The following LPP variants were observed in gnomAD, a reference collection of about 807,000 sequenced individuals.
LPP encodes LIM domain containing preferred translocation partner in lipoma.
A neutral mutation model predicts 60.4 loss-of-function variants in LPP; 38 were observed. That is an observed-to-expected ratio of 0.63 (90% CI 0.49 to 0.83). The LOEUF (loss-of-function observed/expected upper bound fraction) is 0.83. Ranked by LOEUF, LPP falls within the 40% of genes least tolerant of loss-of-function variation. The probability of loss-of-function intolerance (pLI) is 0.00; values close to 1 mark genes in which losing one functional copy is unlikely to be tolerated. For synonymous variants in LPP, 328 were observed against 290.8 expected, an observed-to-expected ratio of 1.13 and a Z score of -1.30; for missense variants, 902 against 783.6, an observed-to-expected ratio of 1.15 and a Z score of -1.80.
chr3:188,731,521 G>GTTT (rs974360333), intron 8 of LPP, among the ~76,000 whole-genome samples: 7 of 151,080 alleles, frequency 4.6e-5, no homozygotes, highest in African/African-American at 1.5e-4. Flanking sequence ...TGTTTTTTTT[G>GTTT]TTTTGTTTTG....
chr3:188,633,312 T>C (rs1342294511), intron 7 of LPP, among the ~76,000 whole-genome samples: 2 of 152,190 alleles, frequency 1.3e-5, no homozygotes, highest in African/African-American at 2.4e-5. Context: ...ACAGACCATG[T>C]AAATGCTGTT....
chr3:188,334,486 C>G lies in LPP; in HGVS notation c.-66-7177C>G, dbSNP rs576406498. ...GTCACCAGGCTGGAGTGCAGTGGTG[C>G]TATCTGGCTCACTGCAAGCTCCGCC... On this transcript the variant is annotated intron_variant, in intron 2 of 11. Transcript: ENST00000617246. Among the ~76,000 whole-genome samples the G allele has an allele frequency of 4.8e-5, 6 of 125,736 alleles. No individual in the cohort carries two copies. In the East Asian group the frequency reaches 1.6e-3, roughly 33 times the overall value. 82.5% of individuals were successfully genotyped at this position (125,736 alleles called of 152,430 possible).
chr3:188,368,435 G>C (rs1176123052), intron 3 of LPP, among the ~76,000 whole-genome samples: 1 of 151,482 alleles, frequency 6.6e-6, no homozygotes, highest in Admixed American at 6.6e-5. Flanking sequence ...CGTTAAGCTG[G>C]AAGGGTCCTC....
intron 6 of LPP, among the ~76,000 whole-genome samples, chr3:188,531,356 C>T (rs1055726809): frequency 1.3e-5 from 2 of 151,574 alleles, no homozygotes; most frequent in African/African-American, 4.9e-5. Context: ...TGTTATTGAC[C>T]TTGGTTCCTG....
chr3:188,544,282 T>C (rs10937354), intron 6 of LPP, among the ~76,000 whole-genome samples: 76,506 of 151,950 alleles, frequency 0.5, 19,757 homozygotes, highest in East Asian at 0.92. Flanking sequence ...TGTTCAACTT[T>C]TGATTTGCCT....
At chr3:188,746,352 A>G in intron 8 of LPP, 5 of 427,104 alleles carry the variant, frequency 1.2e-5, no homozygotes. Context: ...AACAGGGGGC[A>G]GAAAAACACG....
At chr3:188,487,971 C>T (rs139369280) in intron 5 of LPP, among the ~76,000 whole-genome samples, 356 of 151,622 alleles carry the variant, frequency 2.3e-3, no homozygotes, top group African/African-American at 7.9e-3. Flanking sequence ...CCAACTCTGG[C>T]GCCAGGCATC....
chr3:188,425,016 T>C (rs1459208054), intron 4 of LPP, among the ~76,000 whole-genome samples: 10 of 152,194 alleles, frequency 6.6e-5, no homozygotes, highest in Admixed American at 6.5e-4. Flanking sequence ...CATCCTTGTC[T>C]TGTGCTGGTT....
chr3:188,596,900 G>T (rs975661406), intron 6 of LPP, among the ~76,000 whole-genome samples: 1 of 151,396 alleles, frequency 6.6e-6, no homozygotes, highest in Non-Finnish European at 1.5e-5. Context: ...CCGTGAATAT[G>T]TTAGAAACTC....
At chr3:188,718,010 G>A (rs1026355173) in intron 8 of LPP, among the ~76,000 whole-genome samples, 2 of 152,026 alleles carry the variant, frequency 1.3e-5, no homozygotes, top group East Asian at 1.9e-4. Flanking sequence ...TAGTAGAGAC[G>A]AGGTTTCTCC....
chr3:188,815,529 C>A (rs1254432568), intron 9 of LPP, among the ~76,000 whole-genome samples: 1 of 150,792 alleles, frequency 6.6e-6, no homozygotes, highest in Non-Finnish European at 1.5e-5. Context: ...ATTCTATCTC[C>A]CTTTAGAAAA....
At chr3:188,627,352 A>G (rs544583057) in intron 7 of LPP, among the ~76,000 whole-genome samples, 1 of 152,184 alleles carries the variant, frequency 6.6e-6, no homozygotes, top group Admixed American at 6.5e-5. Flanking sequence ...CCGAGTGTCA[A>G]ATTGGATGAA....
At chr3:188,177,207 G>A (rs1487860281) in intron 1 of LPP, among the ~76,000 whole-genome samples, 3 of 152,204 alleles carry the variant, frequency 2.0e-5, no homozygotes, top group Non-Finnish European at 4.4e-5. Flanking sequence ...CCAGCCCAGC[G>A]AGGGGATCGC....
At chr3:188,223,475 G>A (rs996946508) in intron 1 of LPP, among the ~76,000 whole-genome samples, 1 of 152,164 alleles carries the variant, frequency 6.6e-6, no homozygotes, top group African/African-American at 2.4e-5. Flanking sequence ...GTTTGCATGG[G>A]AACTTCAATC....
At chr3:188,787,181 T>C (rs923941324) in intron 9 of LPP, among the ~76,000 whole-genome samples, 2 of 152,186 alleles carry the variant, frequency 1.3e-5, no homozygotes, top group Non-Finnish European at 2.9e-5. Flanking sequence ...GGCTGTAATA[T>C]TGTACCATAG....
chr3:188,500,605 T>C (rs1443510654), intron 5 of LPP, among the ~76,000 whole-genome samples: 1 of 152,244 alleles, frequency 6.6e-6, no homozygotes, highest in African/African-American at 2.4e-5. Flanking sequence ...CTTTTTAATT[T>C]TTTGGAAAGA....
intron 2 of LPP, among the ~76,000 whole-genome samples, chr3:188,288,753 A>T (rs1744884024): frequency 6.6e-6 from 1 of 151,946 alleles, no homozygotes; most frequent in Non-Finnish European, 1.5e-5. Flanking sequence ...TACTTCTGCC[A>T]CATGAACTTC....
chr3:188,697,487 A>G (rs1863503012), intron 7 of LPP, among the ~76,000 whole-genome samples: 1 of 152,216 alleles, frequency 6.6e-6, no homozygotes, highest in Non-Finnish European at 1.5e-5. Context: ...CTTGTACAGT[A>G]GGAAAGTGTT....
At chr3:188,592,563 T>TTTTTTTTTTTTTTTTTTTTTGGG in intron 6 of LPP, among the ~76,000 whole-genome samples, 2 of 77,224 alleles carry the variant, frequency 2.6e-5, no homozygotes, top group African/African-American at 9.4e-5. Flanking sequence ...TTTTGTTTTT[T>TTTTTTTTTTTTTTTTTTTTTGGG]AAATGGAGTC....
Sources: allele counts gnomAD v4.1 joint callset (sites outside exome capture counted in the v4.1 genomes callset), GRCh38; gene constraint gnomAD v4.1.1; transcripts MANE v1.5; gene names NCBI Gene and HGNC (gene_info 2026-07-23, HGNC 2026-07-21).